The following MYT1L variants were observed in gnomAD, a reference collection of about 807,000 sequenced individuals.
MYT1L encodes the protein myelin transcription factor 1 like.
A neutral mutation model predicts 126.7 loss-of-function variants in MYT1L; 12 were observed. That is an observed-to-expected ratio of 0.09 (90% CI 0.06 to 0.15). MYT1L has a LOEUF of 0.15. Among genes scored for constraint, MYT1L ranks in the 10% least tolerant of loss-of-function variants. The pLI is 1.00. For missense variants in MYT1L, 979 were observed against 1,585.2 expected (o/e 0.62, Z 6.49); for synonymous variants, 541 against 604.2 (o/e 0.90, Z 1.53).
chr2:1,817,681 G>A (rs552890507), intron 21 of MYT1L, among the ~76,000 whole-genome samples: 25 of 152,280 alleles, frequency 1.6e-4, no homozygotes, highest in Non-Finnish European at 2.4e-4. Flanking sequence ...GCCCTGGTGC[G>A]GTGACAGTGC....
At chr2:1,998,860 C>G (rs557418542) in intron 4 of MYT1L, among the ~76,000 whole-genome samples, 18 of 152,008 alleles carry the variant, frequency 1.2e-4, no homozygotes, top group Admixed American at 4.6e-4. Flanking sequence ...TGTGCCTGCT[C>G]CTAGTGGTTA....
At chr2:2,292,601 G>T (rs1490933224) in intron 1 of MYT1L, among the ~76,000 whole-genome samples, 1 of 152,242 alleles carries the variant, frequency 6.6e-6, no homozygotes, top group South Asian at 2.1e-4. Flanking sequence ...GGGCCCTGCC[G>T]GGACAGGTGC....
At chr2:2,066,349 C>T (rs1204775812) in intron 3 of MYT1L, among the ~76,000 whole-genome samples, 2 of 152,138 alleles carry the variant, frequency 1.3e-5, no homozygotes, top group Admixed American at 1.3e-4. Context: ...GAGGCAGGAA[C>T]CCCTGGCATC....
intron 3 of MYT1L, among the ~76,000 whole-genome samples, chr2:2,078,940 G>A (rs116055117): frequency 0.014 from 2,190 of 152,278 alleles, 27 homozygotes; most frequent in Middle Eastern, 0.048. Context: ...GGGGTCCTTG[G>A]AAGGTGATTA....
At chr2:2,263,175 T>C (rs569788691) in intron 2 of MYT1L, among the ~76,000 whole-genome samples, 2 of 151,824 alleles carry the variant, frequency 1.3e-5, no homozygotes, top group South Asian at 4.2e-4. Flanking sequence ...ACTTCCTTTT[T>C]TGATGAATTA....
At chr2:1,808,651 C>A (rs2147984798) in intron 22 of MYT1L, among the ~76,000 whole-genome samples, 1 of 152,286 alleles carries the variant, frequency 6.6e-6, no homozygotes, top group South Asian at 2.1e-4. Context: ...TCAAGAAAAT[C>A]AGGCACCAGA....
chr2:1,936,367 T>A (rs995928123), intron 9 of MYT1L, among the ~76,000 whole-genome samples: 10 of 152,356 alleles, frequency 6.6e-5, no homozygotes, highest in African/African-American at 2.2e-4. Flanking sequence ...TTAGGTTTTT[T>A]AAAATCATAT....
chr2:1,850,010 G>A (rs934061482), intron 19 of MYT1L, among the ~76,000 whole-genome samples: 1 of 138,514 alleles, frequency 7.2e-6, no homozygotes, highest in Admixed American at 7.1e-5. Context: ...ACAGACAACC[G>A]TGCTCTAGGG....
At chr2:1,993,995 T>C (rs1345042302) in intron 5 of MYT1L, among the ~76,000 whole-genome samples, 2 of 152,260 alleles carry the variant, frequency 1.3e-5, no homozygotes, top group Non-Finnish European at 2.9e-5. Flanking sequence ...GTCTGTACAC[T>C]GCGGTGCTAA....
At chr2:2,086,855 C>T (rs1026229933) in intron 3 of MYT1L, among the ~76,000 whole-genome samples, 1 of 152,204 alleles carries the variant, frequency 6.6e-6, no homozygotes, top group Non-Finnish European at 1.5e-5. Flanking sequence ...GTGTCCCACA[C>T]CTGCGCCACT....
At chr2:1,944,110 A>C (rs2056964700) in intron 8 of MYT1L, among the ~76,000 whole-genome samples, 1 of 150,914 alleles carries the variant, frequency 6.6e-6, no homozygotes, top group African/African-American at 2.4e-5. Context: ...TCTTTTTTTT[A>C]TTATTATTAT....
At chr2:2,056,643 G>A (rs972545696) in intron 3 of MYT1L, among the ~76,000 whole-genome samples, 1 of 152,226 alleles carries the variant, frequency 6.6e-6, no homozygotes, top group African/African-American at 2.4e-5. Context: ...GAAGGAATAT[G>A]CACCCACGGT....
At chr2:1,998,708 T>A (rs2062090709) in intron 4 of MYT1L, among the ~76,000 whole-genome samples, 1 of 152,126 alleles carries the variant, frequency 6.6e-6, no homozygotes, top group South Asian at 2.1e-4. Flanking sequence ...CATTGTAGTT[T>A]AAAACAAAAG....
chr2:1,837,326 G>C (rs898324443), intron 21 of MYT1L, among the ~76,000 whole-genome samples: 15 of 152,220 alleles, frequency 9.9e-5, no homozygotes, highest in African/African-American at 3.4e-4. Flanking sequence ...GCTCACGTGA[G>C]AGGACGAAAT....
At chr2:2,220,720 T>C (rs1030973937) in intron 2 of MYT1L, among the ~76,000 whole-genome samples, 2 of 152,134 alleles carry the variant, frequency 1.3e-5, no homozygotes, top group East Asian at 3.9e-4. Context: ...TCTCATCATG[T>C]TATGCCAGAG....
intron 14 of MYT1L, among the ~76,000 whole-genome samples, chr2:1,899,829 C>T (rs2050100407): frequency 6.6e-6 from 1 of 152,196 alleles, no homozygotes. Flanking sequence ...GATAGACTGA[C>T]AGATGGATAG....
intron 1 of MYT1L, among the ~76,000 whole-genome samples, chr2:2,292,386 A>G (rs1421246603): frequency 6.6e-6 from 1 of 152,260 alleles, no homozygotes; most frequent in Non-Finnish European, 1.5e-5. Flanking sequence ...TGTGAAATGC[A>G]CAAAAGACTT....
chr2:1,976,220 C>T (rs2060172322), intron 8 of MYT1L, among the ~76,000 whole-genome samples: 1 of 151,908 alleles, frequency 6.6e-6, no homozygotes, highest in Non-Finnish European at 1.5e-5. Context: ...CTATTCCCAT[C>T]AGGAACCTGA....
At chr2:2,118,099 T>G (rs1193108196) in intron 3 of MYT1L, among the ~76,000 whole-genome samples, 1 of 148,998 alleles carries the variant, frequency 6.7e-6, no homozygotes, top group African/African-American at 2.4e-5. Flanking sequence ...TATTGAATAT[T>G]ATTTATATTT....
Sources: gnomAD v4.1 joint callset for allele counts (sites outside exome capture counted in the v4.1 genomes callset) on GRCh38, gnomAD v4.1.1 for gene constraint, MANE v1.5 for transcripts, NCBI Gene and HGNC (gene_info 2026-07-23, HGNC 2026-07-21) for gene names.